The following CSMD1 variants were observed in gnomAD, a reference collection of about 807,000 sequenced individuals.
CSMD1 encodes CUB and sushi domain-containing protein 1.
In CSMD1, 213 loss-of-function variants were observed where a neutral mutation model predicts 417.5. The ratio of observed to expected loss-of-function variants is 0.51; its 90% CI spans 0.46 to 0.57. The LOEUF (loss-of-function observed/expected upper bound fraction) is 0.57. CSMD1 is among the 20% of genes least tolerant of loss of function. CSMD1 has a pLI of 0.00. For synonymous variants in CSMD1, 2,862 were observed against 1,736.8 expected (o/e 1.65, Z -16.11); for missense variants, 6,923 against 4,529.7 (o/e 1.53, Z -15.17).
chr8:3,880,821 T>C (rs1585132618), intron 5 of CSMD1, among the ~76,000 whole-genome samples: 1 of 152,228 alleles, frequency 6.6e-6, no homozygotes, highest in East Asian at 1.9e-4. Context: ...AGATAATTCC[T>C]AAAAATAACG....
At chr8:3,683,214 A>G (rs1799757995) in intron 7 of CSMD1, among the ~76,000 whole-genome samples, 1 of 151,554 alleles carries the variant, frequency 6.6e-6, no homozygotes, top group African/African-American at 2.4e-5. Flanking sequence ...ATAAATATAT[A>G]AAATTAAAAA....
intron 1 of CSMD1, among the ~76,000 whole-genome samples, chr8:4,884,370 G>A (rs1020773772): frequency 6.6e-6 from 1 of 152,002 alleles, no homozygotes; most frequent in Admixed American, 6.6e-5. Flanking sequence ...ACAACGTTTA[G>A]AGTTTTGATG....
At chr8:4,333,588 C>G (rs1418350026) in intron 3 of CSMD1, among the ~76,000 whole-genome samples, 1 of 152,172 alleles carries the variant, frequency 6.6e-6, no homozygotes, top group Non-Finnish European at 1.5e-5. Context: ...GTTATTATTA[C>G]TCTTGCTGTT....
chr8:4,542,654 C>T (rs1797443995), intron 2 of CSMD1, among the ~76,000 whole-genome samples: 1 of 152,096 alleles, frequency 6.6e-6, no homozygotes, highest in Admixed American at 6.5e-5. Context: ...GATTAACAGA[C>T]TATATCACCA....
chr8:3,896,646 G>T (rs1289647796), intron 5 of CSMD1, among the ~76,000 whole-genome samples: 2 of 152,042 alleles, frequency 1.3e-5, no homozygotes, highest in South Asian at 2.1e-4. Flanking sequence ...CGAGTAGCTG[G>T]GACTACAGGC....
Position 4,236,279 on chromosome 8 carries a change from C to G in CSMD1, c.415+183674G>C, listed in dbSNP as rs73186156. Among the ~76,000 whole-genome samples, 581 of 152,020 alleles carry G rather than the reference C, an allele frequency of 3.8e-3. 4 individuals are homozygous for G. The highest frequency in any genetic ancestry group is 0.013 in the African/African-American group (556 of 41,442). ...CTTTATTTGTAATTGGCACACTGAT[C>G]GGAATTCTTACAGAAACTAGAACGC... On this transcript the variant is annotated intron_variant, in intron 3 of 69. Transcript: ENST00000635120.
At chr8:4,337,388 A>C (rs555985833) in intron 3 of CSMD1, among the ~76,000 whole-genome samples, 2 of 152,222 alleles carry the variant, frequency 1.3e-5, no homozygotes, top group Non-Finnish European at 1.5e-5. Flanking sequence ...CTTCTTCAGT[A>C]AACAGGTATT....
rs375782585 is a variant in CSMD1 at position 3,996,686 on chromosome 8, T to C, written c.818+1217A>G. Among the ~76,000 whole-genome samples the C allele has an allele frequency of 2.2e-4, 33 of 152,324 alleles. No homozygotes were observed. In the East Asian group the frequency reaches 5.8e-3, roughly 27 times the overall value. ...TTGGTCCTGGCTAATCTAAAAGTGT[T>C]GTTCAGCATGAAAAAAATTGAAAAC... On this transcript the variant is annotated intron_variant, in intron 5 of 69. Coordinates refer to ENST00000635120, the MANE Select transcript of CSMD1 (RefSeq NM_033225.6).
In CSMD1 at chr8:3,468,573, AAGG is replaced by A. The variant is rs1490786539; in HGVS notation, c.1561+136_1561+138del. 3 of 589,972 alleles carry A rather than the reference AAGG, an allele frequency of 5.1e-6. No homozygotes were observed. The East Asian group carries it at 8.7e-5, about 17-fold the overall frequency. 36.5% of individuals were successfully genotyped at this position (589,972 alleles called of 1,614,324 possible). A position where few individuals can be genotyped will look rare whatever the true frequency, so the allele number is the denominator to read the frequency against. On this transcript the variant is annotated intron_variant, in intron 12 of 69. Transcript: ENST00000635120. The stretch of plus-strand genomic sequence containing the variant: ...ACGAAAGCGAGTGTTAGTAGACTTT[AAGG>A]AAGTTCCCGTCATGATTCCTATTTA...
At chr8:4,502,131 G>C (rs1802289317) in intron 2 of CSMD1, among the ~76,000 whole-genome samples, 1 of 151,990 alleles carries the variant, frequency 6.6e-6, no homozygotes, top group Non-Finnish European at 1.5e-5. Context: ...CTAATTATGG[G>C]TTATATATGA....
At position 4,761,836 on chromosome 8, in the gene CSMD1, CATCTATCTATCT is replaced by C. The variant is rs72078338; in HGVS notation, c.86-124290_86-124279del. Among the ~76,000 whole-genome samples, 1,044 of 119,018 alleles carry C rather than the reference CATCTATCTATCT, an allele frequency of 8.8e-3. 8 individuals are homozygous for C. The highest frequency in any genetic ancestry group is 0.011 in the Non-Finnish European group (615 of 57,512). The allele number at this position is 119,018 out of a possible 152,430, so 78.1% of individuals were successfully genotyped here. Reference sequence around the variant, plus strand: ...AATAAAATAGCAAAATAGTACCATGCATCTATCTATCTATCTATCTATCTATCTATCTATCTA... The same window carrying C: ...AATAAAATAGCAAAATAGTACCATGCATCTATCTATCTATCTATCTATCTA... On this transcript the variant is annotated intron_variant, in intron 1 of 69. Transcript: ENST00000635120.
chr8:4,214,701 T>G (rs562203903), intron 3 of CSMD1, among the ~76,000 whole-genome samples: 1 of 152,104 alleles, frequency 6.6e-6, no homozygotes, highest in Non-Finnish European at 1.5e-5. Context: ...GTAGCTAACG[T>G]GGATATAGGC....
At chr8:4,062,860 T>C (rs1301294595) in intron 3 of CSMD1, among the ~76,000 whole-genome samples, 2 of 150,448 alleles carry the variant, frequency 1.3e-5, no homozygotes, top group Middle Eastern at 6.8e-3. Flanking sequence ...CCAAGAGAAA[T>C]GAAAGCCTGT....
intron 10 of CSMD1, among the ~76,000 whole-genome samples, chr8:3,568,033 T>A (rs1365117295): frequency 6.6e-6 from 1 of 152,232 alleles, no homozygotes; most frequent in Non-Finnish European, 1.5e-5. Flanking sequence ...CAGAAGCCAC[T>A]ATTAGAATTA....
intron 2 of CSMD1, among the ~76,000 whole-genome samples, chr8:4,441,038 TATTATC>T (rs1415271093): frequency 5.5e-5 from 8 of 146,444 alleles, no homozygotes; most frequent in African/African-American, 2.0e-4. Context: ...TATATACATC[TATTATC>T]ATTTTAAAAT....
At position 3,490,725 on chromosome 8, in the gene CSMD1, C is replaced by T. The variant is rs561276598; in HGVS notation, c.1448+2898G>A. ...AGAAACTCTATCTTTGACTTGCAGG[C>T]CCCTTTCTATCCACTGTAGTGCTGT... On this transcript the variant is annotated intron_variant, in intron 11 of 69. Transcript: ENST00000635120. 1.2e-3 allele frequency among the ~76,000 whole-genome samples: 189 copies of T among 152,220 alleles called. 2 individuals carry two copies. The highest frequency in any genetic ancestry group is 1.9e-3 in the Non-Finnish European group (130 of 68,022).
At chr8:4,200,798 C>T (rs542206722) in intron 3 of CSMD1, among the ~76,000 whole-genome samples, 1 of 152,294 alleles carries the variant, frequency 6.6e-6, no homozygotes, top group East Asian at 1.9e-4. Context: ...ACGGAGGCTT[C>T]AGTGAACTAT....
At chr8:4,576,794 CA>C (rs1340247244) in intron 2 of CSMD1, among the ~76,000 whole-genome samples, 1 of 151,174 alleles carries the variant, frequency 6.6e-6, no homozygotes, top group East Asian at 1.9e-4. Context: ...AGATATTTAC[CA>C]AAAATAATTT....
chr8:4,294,105 G>A (rs1797533679), intron 3 of CSMD1, among the ~76,000 whole-genome samples: 1 of 152,132 alleles, frequency 6.6e-6, no homozygotes, highest in Admixed American at 6.6e-5. Flanking sequence ...TCCTGTCACT[G>A]GAAAAAGTAA....
Sources: allele counts gnomAD v4.1 joint callset (sites outside exome capture counted in the v4.1 genomes callset), GRCh38; gene constraint gnomAD v4.1.1; transcripts MANE v1.5; gene names NCBI Gene and HGNC (gene_info 2026-07-23, HGNC 2026-07-21).